Variants in DNAJC5B observed in about 807,000 individuals in gnomAD.
DNAJC5B encodes the protein dnaJ homolog subfamily C member 5B.
A neutral mutation model predicts 24.7 loss-of-function variants in DNAJC5B; 23 were observed. That is an observed-to-expected ratio of 0.93 (90% confidence interval 0.67 to 1.32). The LOEUF (loss-of-function observed/expected upper bound fraction) is 1.32, where lower values mean the gene tolerates loss of function less well. DNAJC5B is among the 40% of genes most tolerant of loss of function. The pLI is 0.00. For synonymous variants in DNAJC5B, 101 were observed against 90.1 expected (o/e 1.12, Z -0.68); for missense variants, 238 against 240.8 (o/e 0.99, Z 0.08).
intron 3 of DNAJC5B, among the ~76,000 whole-genome samples, chr8:66,061,709 G>A (rs1234756506): frequency 6.6e-6 from 1 of 151,984 alleles, no homozygotes; most frequent in African/African-American, 2.4e-5. Flanking sequence ...TGTTACAACT[G>A]TTTTATTTTA....
At chr8:66,026,501 T>C (rs1806246603) in intron 1 of DNAJC5B, among the ~76,000 whole-genome samples, 1 of 152,262 alleles carries the variant, frequency 6.6e-6, no homozygotes, top group Non-Finnish European at 1.5e-5. Context: ...GCTACCTCTC[T>C]GAAGATCCTG....
intron 1 of DNAJC5B, among the ~76,000 whole-genome samples, chr8:66,039,296 T>G (rs575825647): frequency 6.6e-6 from 1 of 151,564 alleles, no homozygotes; most frequent in East Asian, 1.9e-4. Flanking sequence ...ACCTCCTCAA[T>G]CTTAAATTCC....
chr8:66,018,224 T>A (rs1806010125), upstream of DNAJC5B, among the ~76,000 whole-genome samples: 1 of 152,110 alleles, frequency 6.6e-6, no homozygotes, highest in African/African-American at 2.4e-5. Flanking sequence ...AATTTGTGTT[T>A]TAACAAGTCC....
At chr8:66,033,551 G>A (rs1004150165) in intron 1 of DNAJC5B, among the ~76,000 whole-genome samples, 3 of 152,182 alleles carry the variant, frequency 2.0e-5, no homozygotes, top group African/African-American at 4.8e-5. Context: ...CTCCAGACAC[G>A]CATTTGGCTT....
intron 3 of DNAJC5B, among the ~76,000 whole-genome samples, chr8:66,055,390 T>C (rs898759388): frequency 1.3e-5 from 2 of 152,238 alleles, no homozygotes; most frequent in Admixed American, 6.5e-5. Flanking sequence ...TTAATAAAAT[T>C]ACCAGCTGTT....
At chr8:66,056,614 C>A (rs1425107638) in intron 3 of DNAJC5B, 1 of 152,160 alleles carries the variant, frequency 6.6e-6, no homozygotes, top group African/African-American at 2.4e-5. Context: ...GAACCACTCA[C>A]AAAAGTAGGC....
intron 5 of DNAJC5B, among the ~76,000 whole-genome samples, chr8:66,090,533 T>C (rs1409967232): frequency 6.6e-6 from 1 of 151,962 alleles, no homozygotes; most frequent in Non-Finnish European, 1.5e-5. Context: ...AGAGAAAGTG[T>C]TTTATATTAT....
Position 66,051,769 on chromosome 8 carries a change from C to T in DNAJC5B, c.119+103C>T, listed in dbSNP as rs1344961016. ...TAAGCTTCTCACTAAGACCAGTAAT[C>T]CAAATTTTAGATCCAATGTTCCCTG... is the stretch of plus-strand genomic sequence containing the variant. On this transcript the variant is annotated intron_variant, in intron 3 of 5. Transcript: ENST00000276570. 5 of 831,582 alleles carry T rather than the reference C, an allele frequency of 6.0e-6. No individual in the cohort carries two copies. In the Admixed American group the frequency reaches 6.8e-5, roughly 11 times the overall value. The allele number at this position is 831,582 out of a possible 1,614,324, so 51.5% of individuals were successfully genotyped here. A position where few individuals can be genotyped will look rare whatever the true frequency, so the allele number is the denominator to read the frequency against.
In DNAJC5B at chr8:66,051,581, A is replaced by G; in HGVS notation, c.34A>G (p.Thr12Ala). 1 of 1,614,012 alleles carries G rather than the reference A, an allele frequency of 6.2e-7. No homozygotes were observed. Among genetic ancestry groups the G allele is most frequent in the Non-Finnish European group, 8.5e-7 (1 of 1,180,002 alleles). Residue 12 changes from threonine (T) to alanine (A), a missense_variant, in exon 3 of 6, where the codon ACT (threonine) becomes GCT (alanine). Thr to Ala is a moderately conservative substitution (Grantham distance 58, BLOSUM62 0). Transcript: ENST00000276570. ...ACNIPNQRQRTLSTTGEALYE... is the reference protein window; with the variant it reads ...ACNIPNQRQRALSTTGEALYE... Reference sequence around the variant, plus strand: ...TAACATACCTAACCAAAGACAGCGGACTCTGTCAACAACAGGAGAAGCTCT... The same window carrying G: ...TAACATACCTAACCAAAGACAGCGGGCTCTGTCAACAACAGGAGAAGCTCT...
intron 3 of DNAJC5B, among the ~76,000 whole-genome samples, chr8:66,058,362 G>T (rs1227675254): frequency 6.6e-6 from 1 of 152,154 alleles, no homozygotes; most frequent in Non-Finnish European, 1.5e-5. Flanking sequence ...GGTGGGGAAA[G>T]GGAAACAATC....
At chr8:66,021,278 T>C (rs1806115121), upstream of DNAJC5B, among the ~76,000 whole-genome samples, 1 of 152,168 alleles carries the variant, frequency 6.6e-6, no homozygotes, top group Non-Finnish European at 1.5e-5. Context: ...CACTAGCCGG[T>C]CTTCTAGGTC....
intron 5 of DNAJC5B, among the ~76,000 whole-genome samples, chr8:66,081,908 A>G (rs1053813038): frequency 6.6e-6 from 1 of 152,144 alleles, no homozygotes; most frequent in Admixed American, 6.5e-5. Flanking sequence ...AAGATGTAAA[A>G]GGACAAATTA....
chr8:66,066,850 A>G (rs71515499), intron 3 of DNAJC5B, among the ~76,000 whole-genome samples: 21,261 of 152,200 alleles, frequency 0.14, 2,253 homozygotes, highest in East Asian at 0.31. Flanking sequence ...CCTGTACTCC[A>G]AAAGCTATTG....
intron 1 of DNAJC5B, among the ~76,000 whole-genome samples, chr8:66,038,763 C>A (rs1413474662): frequency 6.6e-6 from 1 of 152,132 alleles, no homozygotes; most frequent in Non-Finnish European, 1.5e-5. Context: ...GATCAAGGTT[C>A]TGTTTATGTT....
At chr8:66,081,337 A>T (rs1005318200) in intron 5 of DNAJC5B, among the ~76,000 whole-genome samples, 2 of 152,226 alleles carry the variant, frequency 1.3e-5, no homozygotes, top group South Asian at 2.1e-4. Context: ...TACAGCCAAG[A>T]TCCTCCTGTC....
chr8:66,086,309 T>C (rs1335863184), intron 5 of DNAJC5B, among the ~76,000 whole-genome samples: 1 of 152,206 alleles, frequency 6.6e-6, no homozygotes, highest in Middle Eastern at 3.2e-3. Context: ...CTGTCTAAGA[T>C]TTCTAGCACT....
chr8:66,029,659 G>C (rs1442764033), intron 1 of DNAJC5B, among the ~76,000 whole-genome samples: 2 of 152,350 alleles, frequency 1.3e-5, no homozygotes, highest in South Asian at 4.1e-4. Flanking sequence ...CAGAGGAAGA[G>C]AGTGGACTTT....
At chr8:66,027,212 C>G (rs1806264437) in intron 1 of DNAJC5B, among the ~76,000 whole-genome samples, 2 of 152,206 alleles carry the variant, frequency 1.3e-5, no homozygotes, top group Non-Finnish European at 2.9e-5. Context: ...GTGCCAGGCA[C>G]TGGTGGCAGG....
At chr8:66,096,352 G>A (rs551348778) in intron 5 of DNAJC5B, among the ~76,000 whole-genome samples, 29 of 152,206 alleles carry the variant, frequency 1.9e-4, no homozygotes, top group African/African-American at 6.7e-4. Context: ...CTAGGAATTA[G>A]GACTTCAACA....
Sources: gnomAD v4.1 joint callset for allele counts (sites outside exome capture counted in the v4.1 genomes callset) on GRCh38, gnomAD v4.1.1 for gene constraint, MANE v1.5 for transcripts, NCBI Gene and HGNC (gene_info 2026-07-23, HGNC 2026-07-21) for gene names.